ATG10: variants seen among roughly 807,000 people sequenced by gnomAD.
The protein encoded by ATG10 is ubiquitin-like-conjugating enzyme ATG10.
Under a neutral mutation model 32.1 loss-of-function variants are expected in ATG10, and 30 were observed. The ratio of observed to expected loss-of-function variants is 0.94; its 90% confidence interval spans 0.70 to 1.27. The LOEUF is 1.27. Ranked by LOEUF, ATG10 falls within the 50% of genes most tolerant of loss-of-function variation. ATG10 has a pLI of 0.00. For synonymous variants in ATG10, 87 were observed against 91.5 expected (o/e 0.95, Z 0.28); for missense variants, 233 against 262.3 (o/e 0.89, Z 0.77).
rs1190363193 is a variant in ATG10 at position 82,174,471 on chromosome 5, G to A, written c.356-4019G>A. ...CTTCTTCCAGTCCTTGTGGCTAGAAGTTGGAAGATGGTTACTTATTAAAGG... is the reference window on the plus strand; with the variant it reads ...CTTCTTCCAGTCCTTGTGGCTAGAAATTGGAAGATGGTTACTTATTAAAGG... On this transcript the variant is annotated intron_variant, in intron 4 of 7. Coordinates refer to ENST00000282185, the MANE Select transcript of ATG10 (RefSeq NM_031482.5). 2.0e-5 allele frequency among the ~76,000 whole-genome samples: 3 copies of A among 152,234 alleles called. No individual in the cohort carries two copies. The East Asian group carries it at 5.8e-4, about 29-fold the overall frequency.
rs1763667566 is a variant in ATG10 at position 82,058,378 on chromosome 5, T to C, written c.109-117T>C. 9.8e-6 allele frequency: 7 copies of C among 712,252 alleles called. No homozygotes were observed. In the South Asian group the frequency reaches 1.1e-4, roughly 11 times the overall value. The allele number at this position is 712,252 out of a possible 1,614,324, so 44.1% of individuals were successfully genotyped here. The stretch of plus-strand genomic sequence containing the variant: ...TAGTCTCTTTATCCATATAGTCTCA[T>C]TTAGTACATTTAGTTTTTCACTGAT... On this transcript the variant is annotated intron_variant, in intron 2 of 7. Transcript: ENST00000282185.
intron 3 of ATG10, among the ~76,000 whole-genome samples, chr5:82,069,946 T>C (rs1209429548): frequency 2.0e-5 from 3 of 152,164 alleles, no homozygotes; most frequent in Non-Finnish European, 2.9e-5. Context: ...AAATGTGATA[T>C]GGGAACTTCA....
intron 5 of ATG10, among the ~76,000 whole-genome samples, chr5:82,234,731 GGA>G (rs2150010658): frequency 6.6e-6 from 1 of 152,006 alleles, no homozygotes; most frequent in East Asian, 1.9e-4. Context: ...TAGAATTTAG[GGA>G]GAATCCTAGT....
intron 2 of ATG10, among the ~76,000 whole-genome samples, chr5:82,041,103 T>C (rs1486787418): frequency 6.6e-6 from 1 of 152,240 alleles, no homozygotes; most frequent in East Asian, 1.9e-4. Flanking sequence ...AGTGCACTTA[T>C]CACTATGACA....
chr5:82,103,791 C>T (rs958876999), intron 3 of ATG10, among the ~76,000 whole-genome samples: 3 of 152,016 alleles, frequency 2.0e-5, no homozygotes, highest in Non-Finnish European at 4.4e-5. Context: ...CAAAGTGATC[C>T]CACTCGTGCA....
intron 3 of ATG10, among the ~76,000 whole-genome samples, chr5:82,114,684 G>T (rs896708628): frequency 6.6e-6 from 1 of 151,992 alleles, no homozygotes; most frequent in African/African-American, 2.4e-5. Context: ...TGGGCTAGTT[G>T]GTCTTAGATG....
intron 4 of ATG10, among the ~76,000 whole-genome samples, chr5:82,167,728 A>C (rs1327653660): frequency 6.6e-6 from 1 of 152,204 alleles, no homozygotes; most frequent in Non-Finnish European, 1.5e-5. Context: ...ACGTATTTTT[A>C]TTTAATTCTT....
intron 5 of ATG10, among the ~76,000 whole-genome samples, chr5:82,191,988 A>G (rs575275074): frequency 6.6e-6 from 1 of 152,302 alleles, no homozygotes. Context: ...TAGGGGCCTG[A>G]ATTTGGTTCA....
At chr5:82,250,183 A>T (rs770630602) in intron 5 of ATG10, among the ~76,000 whole-genome samples, 4 of 152,100 alleles carry the variant, frequency 2.6e-5, no homozygotes, top group Admixed American at 6.5e-5. Flanking sequence ...ATAATTCTAA[A>T]TTTTTTTGCA....
rs1317470327 is a variant in ATG10 at position 82,252,526 on chromosome 5, C to G, written c.454-36C>G. ...AATTATTTTAGCCTTTTCAAAGTAA[C>G]TCACACTGATCCTGGACCAATTCTG... On this transcript the variant is annotated intron_variant, in intron 5 of 7. Transcript: ENST00000282185. The G allele has an allele frequency of 2.3e-6, 3 of 1,303,396 alleles. No individual in the cohort carries two copies. The Admixed American group carries it at 5.6e-5, about 25-fold the overall frequency. The allele number at this position is 1,303,396 out of a possible 1,614,324, so 80.7% of individuals were successfully genotyped here. A position where few individuals can be genotyped will look rare whatever the true frequency, so the allele number is the denominator to read the frequency against.
At chr5:82,159,549 T>A (rs1743222553) in intron 3 of ATG10, among the ~76,000 whole-genome samples, 1 of 152,148 alleles carries the variant, frequency 6.6e-6, no homozygotes, top group Non-Finnish European at 1.5e-5. Flanking sequence ...AGAAACTTTT[T>A]TATCTTAATT....
intron 1 of ATG10, among the ~76,000 whole-genome samples, chr5:81,986,550 A>G (rs190111063): frequency 3.4e-4 from 52 of 152,180 alleles, no homozygotes; most frequent in African/African-American, 1.1e-3. Context: ...TGAATGAACA[A>G]ACTCTTACAT....
chr5:82,138,826 T>A (rs1015345761), intron 3 of ATG10, among the ~76,000 whole-genome samples: 1 of 141,986 alleles, frequency 7.0e-6, no homozygotes, highest in Non-Finnish European at 1.5e-5. Context: ...TAATGAAGAT[T>A]GAAAGTCGAG....
intron 5 of ATG10, among the ~76,000 whole-genome samples, chr5:82,192,938 A>G (rs2149948726): frequency 6.6e-6 from 1 of 152,348 alleles, no homozygotes; most frequent in Non-Finnish European, 1.5e-5. Context: ...AAGAAGACTT[A>G]AAAAACTGAA....
intron 5 of ATG10, among the ~76,000 whole-genome samples, chr5:82,180,563 C>T (rs1744191619): frequency 6.6e-6 from 1 of 152,098 alleles, no homozygotes; most frequent in African/African-American, 2.4e-5. Flanking sequence ...CTAAGAGTTC[C>T]AGCTTCTAGT....
chr5:82,250,353 C>T (rs1581849894), intron 5 of ATG10, among the ~76,000 whole-genome samples: 2 of 152,134 alleles, frequency 1.3e-5, no homozygotes, highest in East Asian at 1.9e-4. Flanking sequence ...ACAAAAATAC[C>T]ATAGACTGGG....
chr5:82,228,224 A>G (rs1213157423), intron 5 of ATG10, among the ~76,000 whole-genome samples: 2 of 152,012 alleles, frequency 1.3e-5, no homozygotes, highest in Non-Finnish European at 2.9e-5. Flanking sequence ...AAAAAAAAGT[A>G]TGTATGTACT....
chr5:82,108,885 A>G (rs1185073908), intron 3 of ATG10, among the ~76,000 whole-genome samples: 1 of 124,676 alleles, frequency 8.0e-6, no homozygotes, highest in African/African-American at 2.5e-5. Context: ...TGGGATGGGA[A>G]ACAGGCATAG....
chr5:82,218,487 G>A (rs1406426866), intron 5 of ATG10, among the ~76,000 whole-genome samples: 3 of 152,164 alleles, frequency 2.0e-5, no homozygotes, highest in Admixed American at 6.5e-5. Flanking sequence ...GCAGCCAGGC[G>A]GGAGTGGTGG....
Sources: gnomAD v4.1 joint callset for allele counts (sites outside exome capture counted in the v4.1 genomes callset) on GRCh38, gnomAD v4.1.1 for gene constraint, MANE v1.5 for transcripts, NCBI Gene and HGNC (gene_info 2026-07-23, HGNC 2026-07-21) for gene names.